PCDH15: variants seen among roughly 807,000 people sequenced by gnomAD.
PCDH15 encodes the protein protocadherin related 15.
In PCDH15, 129 loss-of-function variants were observed where a neutral mutation model predicts 178.5. The observed-to-expected ratio is 0.72, with a 90% CI of 0.63 to 0.84. The LOEUF is 0.84. Among genes scored for constraint, PCDH15 ranks in the 40% least tolerant of loss-of-function variants. PCDH15 has a pLI of 0.00. For missense variants in PCDH15, 2,230 were observed against 2,099.9 expected (o/e 1.06, Z -1.21); for synonymous variants, 800 against 732.0 (o/e 1.09, Z -1.50).
At chr10:54,353,975 A>G (rs1341519633) in intron 5 of PCDH15, among the ~76,000 whole-genome samples, 1 of 152,110 alleles carries the variant, frequency 6.6e-6, no homozygotes, top group African/African-American at 2.4e-5. Flanking sequence ...GAGCTTATTT[A>G]TTTATTTATC....
intron 3 of PCDH15, among the ~76,000 whole-genome samples, chr10:54,866,999 T>C (rs1404608246): frequency 6.6e-6 from 1 of 152,200 alleles, no homozygotes; most frequent in Non-Finnish European, 1.5e-5. Context: ...TAAACACTTA[T>C]TTAAGTAATT....
chr10:54,613,113 C>T (rs74136223), intron 2 of PCDH15, among the ~76,000 whole-genome samples: 4,408 of 151,746 alleles, frequency 0.029, 203 homozygotes, highest in African/African-American at 0.1. Flanking sequence ...TTTTACAATG[C>T]CCATTTTAGG....
Position 54,187,300 on chromosome 10 carries a change from T to C in PCDH15, c.1306-2032A>G, listed in dbSNP as rs547034114. Among the ~76,000 whole-genome samples, 3 of 152,062 alleles carry C rather than the reference T, an allele frequency of 2.0e-5. No homozygotes were observed. The South Asian group carries it at 6.2e-4, about 31-fold the overall frequency. ...AACCTCTGTTAATAAATTTGTTAGG[T>C]ATATTCACTCATATCTTCACATTTT... On this transcript the variant is annotated intron_variant, in intron 11 of 37. Transcript: ENST00000644397.
chr10:54,007,483 G>A (rs148866036), intron 20 of PCDH15, among the ~76,000 whole-genome samples: 154 of 151,928 alleles, frequency 1.0e-3, no homozygotes, highest in African/African-American at 3.4e-3. Context: ...AAATACACAA[G>A]TAAATATCTT....
chr10:54,040,776 T>A (rs978812727), intron 18 of PCDH15, among the ~76,000 whole-genome samples: 1 of 152,100 alleles, frequency 6.6e-6, no homozygotes, highest in African/African-American at 2.4e-5. Context: ...ACTACAAATG[T>A]GATTTTTTGA....
intron 1 of PCDH15, among the ~76,000 whole-genome samples, chr10:54,719,566 T>G (rs1185575365): frequency 1.3e-5 from 2 of 152,016 alleles, no homozygotes; most frequent in African/African-American, 4.8e-5. Context: ...AATGTGTAGG[T>G]GGTTACACAG....
chr10:54,939,494 CAAA>C (rs71014430), intron 2 of PCDH15, among the ~76,000 whole-genome samples: 40 of 26,664 alleles, frequency 1.5e-3, no homozygotes, highest in African/African-American at 1.9e-3. Flanking sequence ...GACTCCGTCT[CAAA>C]AAAAAAAAAA....
chr10:54,890,585 T>C (rs1392513258), intron 3 of PCDH15, among the ~76,000 whole-genome samples: 1 of 151,958 alleles, frequency 6.6e-6, no homozygotes, highest in Admixed American at 6.6e-5. Flanking sequence ...CCAGCTTATT[T>C]CTTTTAGGCT....
At chr10:55,294,313 C>A (rs1404010835) in intron 1 of PCDH15, among the ~76,000 whole-genome samples, 1 of 152,148 alleles carries the variant, frequency 6.6e-6, no homozygotes, top group Non-Finnish European at 1.5e-5. Context: ...CATACCATGT[C>A]AATTCTTATT....
At chr10:55,442,910 G>A (rs1458165416) in intron 2 of PCDH15, among the ~76,000 whole-genome samples, 1 of 152,012 alleles carries the variant, frequency 6.6e-6, no homozygotes, top group Non-Finnish European at 1.5e-5. Context: ...GAGAAGAATG[G>A]AACATTCCAG....
rs1382855990 is a variant in PCDH15 at position 53,947,148 on chromosome 10, T to C, written c.3123-6173A>G. Reference sequence around the variant, plus strand: ...ACAATAAATCTTTCAACTGAGTATATATTAACTAATTTTCTGAATAATGAC... The same window carrying C: ...ACAATAAATCTTTCAACTGAGTATACATTAACTAATTTTCTGAATAATGAC... On this transcript the variant is annotated intron_variant, in intron 23 of 37. Coordinates refer to ENST00000644397, the MANE Select transcript of PCDH15 (RefSeq NM_001384140.1). Among the ~76,000 whole-genome samples the C allele has an allele frequency of 2.0e-5, 3 of 152,318 alleles. No homozygotes were observed. The East Asian group carries it at 5.8e-4, about 29-fold the overall frequency.
At chr10:54,529,081 T>G (rs773644688) in intron 2 of PCDH15, among the ~76,000 whole-genome samples, 7 of 151,980 alleles carry the variant, frequency 4.6e-5, no homozygotes, top group Non-Finnish European at 1.0e-4. Flanking sequence ...AAGGTTTATT[T>G]ACTTATTAAA....
intron 29 of PCDH15, among the ~76,000 whole-genome samples, chr10:53,832,946 A>G (rs2077097857): frequency 6.6e-6 from 1 of 152,018 alleles, no homozygotes; most frequent in Non-Finnish European, 1.5e-5. Flanking sequence ...CTTTTTTTAA[A>G]CAGATACGCT....
chr10:54,436,526 A>T lies in PCDH15; in HGVS notation c.158-57584T>A, dbSNP rs145914883. Among the ~76,000 whole-genome samples the T allele has an allele frequency of 2.6e-5, 4 of 152,312 alleles. No homozygotes were observed. The East Asian group carries it at 7.7e-4, about 29-fold the overall frequency. ...ATATACACCAATGAGAAATGACTTC[A>T]GAAGTTTCACTCCAAGGGCCATTAT... On this transcript the variant is annotated intron_variant, in intron 3 of 37. Transcript: ENST00000644397.
At chr10:55,618,950 A>T (rs56678968) in intron 2 of PCDH15, among the ~76,000 whole-genome samples, 1 of 152,012 alleles carries the variant, frequency 6.6e-6, no homozygotes, top group African/African-American at 2.4e-5. Flanking sequence ...GCACTTTACA[A>T]AACAGAAAGG....
At chr10:54,605,293 A>G (rs7904980) in intron 2 of PCDH15, among the ~76,000 whole-genome samples, 380 of 152,102 alleles carry the variant, frequency 2.5e-3, no homozygotes, top group African/African-American at 8.5e-3. Context: ...TTCAACTTAA[A>G]GTACTCCCTT....
chr10:54,656,015 A>G (rs2094398792), intron 2 of PCDH15: 1 of 152,206 alleles, frequency 6.6e-6, no homozygotes, highest in Non-Finnish European at 1.5e-5. Context: ...AAAGCTTCCA[A>G]TAAAAAAGAC....
chr10:53,848,668 C>G (rs1043359402), intron 28 of PCDH15, among the ~76,000 whole-genome samples: 1 of 151,780 alleles, frequency 6.6e-6, no homozygotes, highest in Non-Finnish European at 1.5e-5. Flanking sequence ...ATACCTGTAT[C>G]AATTATTTTT....
At chr10:53,967,702 TTAAAG>T (rs1411082707) in intron 21 of PCDH15, among the ~76,000 whole-genome samples, 3 of 152,318 alleles carry the variant, frequency 2.0e-5, no homozygotes, top group Admixed American at 6.5e-5. Flanking sequence ...ATCATATTTT[TTAAAG>T]TAAACTATAG....
Sources: allele counts gnomAD v4.1 joint callset (sites outside exome capture counted in the v4.1 genomes callset), GRCh38; gene constraint gnomAD v4.1.1; transcripts MANE v1.5; gene names NCBI Gene and HGNC (gene_info 2026-07-23, HGNC 2026-07-21).